TNRC6C: variants seen among roughly 807,000 people sequenced by gnomAD.
The protein encoded by TNRC6C is trinucleotide repeat-containing gene 6C protein.
Under a neutral mutation model 153.7 loss-of-function variants are expected in TNRC6C, and 20 were observed. The ratio of observed to expected loss-of-function variants is 0.13; its 90% confidence interval spans 0.09 to 0.19. TNRC6C has a LOEUF of 0.19. Among genes scored for constraint, TNRC6C ranks in the 10% least tolerant of loss-of-function variants. TNRC6C has a pLI of 1.00. For synonymous variants in TNRC6C, 811 were observed against 841.4 expected, an observed-to-expected ratio of 0.96 and a Z score of 0.63; for missense variants, 1,987 against 2,172.0, an observed-to-expected ratio of 0.91 and a Z score of 1.69.
exon 9 of TNRC6C, chr17:78,077,189 G>T (rs551618924): frequency 1.3e-6 from 2 of 1,599,958 alleles, no homozygotes; most frequent in South Asian, 2.3e-5. Context: ...AATCAGGATG[G>T]CGGCCTCGTG....
upstream of TNRC6C, among the ~76,000 whole-genome samples, chr17:77,999,788 C>T (rs963181610): frequency 2.0e-5 from 3 of 152,104 alleles, no homozygotes; most frequent in South Asian, 2.1e-4. Flanking sequence ...GGCTGAATGC[C>T]GTTCCTTGCA....
intron 1 of TNRC6C, among the ~76,000 whole-genome samples, chr17:78,006,765 C>T (rs764305442): frequency 8.6e-5 from 13 of 151,574 alleles, no homozygotes; most frequent in Non-Finnish European, 1.6e-4. Flanking sequence ...CACCACTTTA[C>T]GCAGAGCTAT....
chr17:78,028,114 G>A (rs1443125355), intron 1 of TNRC6C, among the ~76,000 whole-genome samples: 1 of 152,078 alleles, frequency 6.6e-6, no homozygotes, highest in Non-Finnish European at 1.5e-5. Context: ...TAGTCAGGAT[G>A]GTCTCGATCT....
chr17:77,995,187 G>C (rs2071309650), intron 1 of TNRC6C, among the ~76,000 whole-genome samples: 1 of 152,236 alleles, frequency 6.6e-6, no homozygotes, highest in Non-Finnish European at 1.5e-5. Flanking sequence ...TCCAGTGAGA[G>C]ATCACAGCCA....
intron 6 of TNRC6C, 72 bp downstream of exon 8, chr17:78,071,237 A>AT (rs1567951177): frequency 7.1e-7 from 1 of 1,415,594 alleles, no homozygotes; most frequent in African/African-American, 1.4e-5. Flanking sequence ...TTTCCTCTCC[A>AT]TGTTTGTTAT....
chr17:78,017,877 C>A (rs1256477152), intron 1 of TNRC6C, among the ~76,000 whole-genome samples: 1 of 152,226 alleles, frequency 6.6e-6, no homozygotes, highest in Non-Finnish European at 1.5e-5. Flanking sequence ...TACACACAGA[C>A]ATACTCTACC....
chr17:77,959,096 AGCCGCCGCC>A (rs1005525455), upstream of TNRC6C: 2 of 142,102 alleles, frequency 1.4e-5, no homozygotes, highest in East Asian at 2.1e-4. Flanking sequence ...CCGCCGCCGC[AGCCGCCGCC>A]GCCGCCCGCG....
intron 13 of TNRC6C, among the ~76,000 whole-genome samples, chr17:78,089,598 G>GTTATTC (rs2073359530): frequency 1.3e-5 from 2 of 152,062 alleles, no homozygotes; most frequent in African/African-American, 4.8e-5. Context: ...GCCTGTCGTT[G>GTTATTC]TTATTCTCAG....
intron 1 of TNRC6C, among the ~76,000 whole-genome samples, chr17:77,966,272 T>C (rs941821016): frequency 6.6e-6 from 1 of 152,166 alleles, no homozygotes; most frequent in Non-Finnish European, 1.5e-5. Flanking sequence ...AGTTGTTGGC[T>C]CCTTAGGAAC....
intron 1 of TNRC6C, among the ~76,000 whole-genome samples, chr17:77,960,324 G>A (rs1325107537): frequency 6.6e-6 from 1 of 152,196 alleles, no homozygotes. Flanking sequence ...TTAATCCATT[G>A]TGTAGCCGAG....
chr17:77,971,955 T>G (rs1306772540), intron 1 of TNRC6C, among the ~76,000 whole-genome samples: 1 of 151,094 alleles, frequency 6.6e-6, no homozygotes, highest in African/African-American at 2.4e-5. Context: ...ATGTATTAAA[T>G]ATGTATTAGA....
In TNRC6C at chr17:78,093,813, A is replaced by G. The variant is rs778935223; in HGVS notation, c.4306+50A>G. On this transcript the variant is annotated intron_variant, in intron 16 of 19. Transcript: ENST00000301624. ...CTGCATGGACGGTCTCTCTAGACCC[A>G]TTTGGAGATGTCAGGGGTGACAGGT... 2.1e-5 allele frequency: 33 copies of G among 1,600,498 alleles called. No individual in the cohort carries two copies. The East Asian group carries it at 2.9e-4, about 14-fold the overall frequency.
chr17:78,087,083 T>C, exon 13 of TNRC6C: 1 of 1,612,688 alleles, frequency 6.2e-7, no homozygotes, highest in Admixed American at 1.7e-5. Context: ...CCTTTGCTCC[T>C]TACCCTCTCG....
intron 1 of TNRC6C, among the ~76,000 whole-genome samples, chr17:78,017,735 C>T (rs1299524136): frequency 2.0e-5 from 3 of 152,242 alleles, no homozygotes; most frequent in Admixed American, 2.0e-4. Flanking sequence ...CTGCCTACCT[C>T]TCCAGCCTCC....
At chr17:78,090,165 C>T (rs2073368793) in intron 13 of TNRC6C, among the ~76,000 whole-genome samples, 1 of 152,128 alleles carries the variant, frequency 6.6e-6, no homozygotes, top group Admixed American at 6.5e-5. Context: ...TGTGTTAATG[C>T]CAACATTCAA....
At chr17:78,046,152 T>C (rs1351484137) in intron 2 of TNRC6C, among the ~76,000 whole-genome samples, 1 of 152,044 alleles carries the variant, frequency 6.6e-6, no homozygotes, top group African/African-American at 2.4e-5. Context: ...TCTGGTTGGG[T>C]TGTTGGCCTC....
At chr17:78,090,981 G>A (rs1418075198) in intron 13 of TNRC6C, among the ~76,000 whole-genome samples, 4 of 152,138 alleles carry the variant, frequency 2.6e-5, no homozygotes, top group Non-Finnish European at 5.9e-5. Context: ...TTTCCTAATA[G>A]TTTGGACTTT....
intron 1 of TNRC6C, among the ~76,000 whole-genome samples, chr17:77,985,648 T>G (rs2071155695): frequency 6.6e-6 from 1 of 151,872 alleles, no homozygotes; most frequent in Admixed American, 6.6e-5. Flanking sequence ...TCTCATACTT[T>G]GAACTTCTGA....
intron 1 of TNRC6C, among the ~76,000 whole-genome samples, chr17:77,966,519 C>G (rs1455111548): frequency 6.6e-6 from 1 of 152,184 alleles, no homozygotes; most frequent in Non-Finnish European, 1.5e-5. Flanking sequence ...ACTTACTGCT[C>G]TTCCTAGAAT....
Sources: gnomAD v4.1 joint callset for allele counts (sites outside exome capture counted in the v4.1 genomes callset) on GRCh38, gnomAD v4.1.1 for gene constraint, MANE v1.5 for transcripts, NCBI Gene and HGNC (gene_info 2026-07-23, HGNC 2026-07-21) for gene names.